The following KLF12 variants were observed in gnomAD, a reference collection of about 807,000 sequenced individuals.
KLF12 encodes Krueppel-like factor 12.
A neutral mutation model predicts 37.8 loss-of-function variants in KLF12; 9 were observed. The ratio of observed to expected loss-of-function variants is 0.24; its 90% CI spans 0.14 to 0.42. KLF12 has a LOEUF of 0.42. KLF12 is among the 10% of genes least tolerant of loss of function. KLF12 has a pLI of 1.00. For missense variants in KLF12, 411 were observed against 516.0 expected, an observed-to-expected ratio of 0.80 and a Z score of 1.97; for synonymous variants, 208 against 202.1, an observed-to-expected ratio of 1.03 and a Z score of -0.25.
chr13:74,274,735 C>T, the KLF12 span, among the ~76,000 whole-genome samples: 1 of 150,474 alleles, frequency 6.6e-6, no homozygotes, highest in African/African-American at 2.4e-5. Flanking sequence ...TGTTGGTGAT[C>T]TGTCTTTATG....
At chr13:73,724,850 G>T (rs1055968074) in intron 6 of KLF12, among the ~76,000 whole-genome samples, 1 of 152,126 alleles carries the variant, frequency 6.6e-6, no homozygotes. Flanking sequence ...AGACTTTTCC[G>T]CTTTCCAATG....
chr13:73,967,174 G>C (rs548908105), intron 2 of KLF12, among the ~76,000 whole-genome samples: 29 of 152,292 alleles, frequency 1.9e-4, no homozygotes, highest in African/African-American at 5.3e-4. Context: ...TGGCCCATGA[G>C]AAAGAGTTCA....
intron 5 of KLF12, among the ~76,000 whole-genome samples, chr13:73,806,751 T>TA (rs1171501293): frequency 6.6e-6 from 1 of 151,708 alleles, no homozygotes; most frequent in Non-Finnish European, 1.5e-5. Context: ...ACAGACAGTA[T>TA]CATGGGGCAA....
chr13:73,813,916 C>T (rs1301053611), intron 4 of KLF12, among the ~76,000 whole-genome samples: 1 of 151,356 alleles, frequency 6.6e-6, no homozygotes, highest in Admixed American at 6.6e-5. Flanking sequence ...GAACTCTATC[C>T]TGTTTTACTT....
intron 1 of KLF12, among the ~76,000 whole-genome samples, chr13:74,017,111 G>A (rs1429359840): frequency 6.6e-6 from 1 of 151,948 alleles, no homozygotes; most frequent in Non-Finnish European, 1.5e-5. Flanking sequence ...AATGTTTTAT[G>A]ACTATCTGGA....
intron 5 of KLF12, among the ~76,000 whole-genome samples, chr13:73,765,657 C>T (rs1303562853): frequency 6.6e-6 from 1 of 152,170 alleles, no homozygotes; most frequent in Non-Finnish European, 1.5e-5. Flanking sequence ...GACTTATCCA[C>T]TGGAAACAGC....
chr13:74,242,933 A>G, the KLF12 span, among the ~76,000 whole-genome samples: 1 of 152,212 alleles, frequency 6.6e-6, no homozygotes, highest in Admixed American at 6.5e-5. Context: ...ATTTGGTGGC[A>G]GTGAGAGCAC....
chr13:73,777,372 G>C (rs907517666), intron 5 of KLF12, among the ~76,000 whole-genome samples: 25 of 152,170 alleles, frequency 1.6e-4, no homozygotes, highest in African/African-American at 6.0e-4. Context: ...GAAAGTGGAA[G>C]ATTTCGCTTC....
At chr13:73,966,004 A>G (rs1044565893) in intron 2 of KLF12, among the ~76,000 whole-genome samples, 3 of 152,230 alleles carry the variant, frequency 2.0e-5, no homozygotes, top group Non-Finnish European at 2.9e-5. Context: ...TCAATCTAGC[A>G]ATTGTTAACT....
At chr13:74,186,211 A>G in the KLF12 span, among the ~76,000 whole-genome samples, 1 of 152,148 alleles carries the variant, frequency 6.6e-6, no homozygotes, top group Non-Finnish European at 1.5e-5. Flanking sequence ...CTTAGGAGAT[A>G]TGTAAGAAAC....
the KLF12 span, among the ~76,000 whole-genome samples, chr13:74,260,175 G>A: frequency 6.6e-6 from 1 of 152,096 alleles, no homozygotes; most frequent in Admixed American, 6.5e-5. Context: ...TAACTGCAAA[G>A]TCTCAGAGTA....
the KLF12 span, among the ~76,000 whole-genome samples, chr13:74,232,393 T>A: frequency 6.6e-6 from 1 of 152,240 alleles, no homozygotes; most frequent in Non-Finnish European, 1.5e-5. Flanking sequence ...CATTTGGCAG[T>A]CTCAGTTTCT....
At chr13:74,133,523 T>C (rs1878386498) in intron 1 of KLF12, among the ~76,000 whole-genome samples, 1 of 152,088 alleles carries the variant, frequency 6.6e-6, no homozygotes, top group Non-Finnish European at 1.5e-5. Flanking sequence ...CCGACGCTAC[T>C]TGCTTTGCAA....
In KLF12 at chr13:74,119,729, G is replaced by A. The variant is rs186126638; in HGVS notation, c.-32+14010C>T. Among the ~76,000 whole-genome samples, 30 of 152,198 alleles carry A rather than the reference G, an allele frequency of 2.0e-4. No homozygotes were observed. In the East Asian group the frequency reaches 5.8e-3, roughly 29 times the overall value. On this transcript the variant is annotated intron_variant, in intron 1 of 7. Transcript: ENST00000377669. ...GTGGGGCAATACCAAGTAGTCTAAT[G>A]CGCTTGTCAACATAGTCCAAAGGGA...
intron 6 of KLF12, among the ~76,000 whole-genome samples, chr13:73,753,189 C>A (rs1878907406): frequency 6.6e-6 from 1 of 152,136 alleles, no homozygotes; most frequent in African/African-American, 2.4e-5. Context: ...CATGTTTCTG[C>A]TCCCACCGAC....
At chr13:73,830,488 T>C (rs181759662) in intron 4 of KLF12, among the ~76,000 whole-genome samples, 4 of 152,354 alleles carry the variant, frequency 2.6e-5, no homozygotes, top group Non-Finnish European at 5.9e-5. Context: ...TTTTCCAATT[T>C]TGAAGAAGGC....
At chr13:74,141,215 G>A in the KLF12 span, among the ~76,000 whole-genome samples, 1 of 152,116 alleles carries the variant, frequency 6.6e-6, no homozygotes, top group Non-Finnish European at 1.5e-5. Flanking sequence ...TTTGAGGAAG[G>A]GGTACAAAGA....
At chr13:73,860,806 A>G (rs1885888295) in intron 3 of KLF12, among the ~76,000 whole-genome samples, 2 of 152,300 alleles carry the variant, frequency 1.3e-5, no homozygotes, top group South Asian at 4.1e-4. Flanking sequence ...ATAACATATA[A>G]AAATGAAAGT....
the KLF12 span, among the ~76,000 whole-genome samples, chr13:74,236,791 TG>T: frequency 8.5e-6 from 1 of 118,030 alleles, no homozygotes; most frequent in African/African-American, 5.0e-5. Flanking sequence ...TTGATGGGGT[TG>T]TTTTTTTCTT....
Sources: gnomAD v4.1 joint callset for allele counts (sites outside exome capture counted in the v4.1 genomes callset) on GRCh38, gnomAD v4.1.1 for gene constraint, MANE v1.5 for transcripts, NCBI Gene and HGNC (gene_info 2026-07-23, HGNC 2026-07-21) for gene names.